NEO1: variants seen among roughly 807,000 people sequenced by gnomAD.
The protein encoded by NEO1 is neogenin.
A neutral mutation model predicts 159.7 loss-of-function variants in NEO1; 63 were observed. The observed-to-expected ratio is 0.39, with a 90% CI of 0.32 to 0.49. The LOEUF is 0.49. Ranked by LOEUF, NEO1 falls within the 20% of genes least tolerant of loss-of-function variation. The pLI, the probability that NEO1 is intolerant of heterozygous loss-of-function variation, is 0.85. For synonymous variants in NEO1, 633 were observed against 662.0 expected (o/e 0.96, Z 0.67); for missense variants, 1,615 against 1,831.0 (o/e 0.88, Z 2.15).
chr15:73,219,616 G>T (rs1303740124), intron 7 of NEO1, among the ~76,000 whole-genome samples: 2 of 132,282 alleles, frequency 1.5e-5, no homozygotes, highest in Non-Finnish European at 3.2e-5. Context: ...CCTGTATTGG[G>T]TGCATATATA....
intron 7 of NEO1, 90 bp downstream of exon 7, chr15:73,178,517 A>G (rs2151958913): frequency 6.9e-7 from 1 of 1,442,100 alleles, no homozygotes; most frequent in Non-Finnish European, 9.4e-7. Context: ...TTGATAACCC[A>G]TTAGTAAAGG....
At chr15:73,164,272 C>T (rs1271400119) in intron 5 of NEO1, among the ~76,000 whole-genome samples, 4 of 148,264 alleles carry the variant, frequency 2.7e-5, no homozygotes, top group Non-Finnish European at 4.4e-5. Context: ...TGCAATGGCA[C>T]GATTGATCTC....
At position 73,129,282 on chromosome 15, in the gene NEO1, T is replaced by G. The variant is rs188015940; in HGVS notation, c.878+2712T>G. ...AATATCTTTGTTTCTGCTAGAGCCT[T>G]ATGAGATATGTAGATAGGCCTCAGC... On this transcript the variant is annotated intron_variant, in intron 4 of 28. Transcript: ENST00000261908. Among the ~76,000 whole-genome samples the G allele has an allele frequency of 2.6e-5, 4 of 152,292 alleles. No homozygotes were observed. In the East Asian group the frequency reaches 7.7e-4, roughly 29 times the overall value.
At position 73,052,698 on chromosome 15, in the gene NEO1, G is replaced by A. The variant is rs1160982416; in HGVS notation, c.23G>A (p.Arg8Gln). ...GAGATGGCGGCGGAGCGGGGAGCCCGGCGACTCCTCAGCACCCCCTCCTTC... is the reference window on the plus strand; with the variant it reads ...GAGATGGCGGCGGAGCGGGGAGCCCAGCGACTCCTCAGCACCCCCTCCTTC... MAAERGARRLLSTPSFWL... is the reference protein window; with the variant it reads MAAERGAQRLLSTPSFWL... The change falls in exon 1 of 29, where the codon CGG (arginine) becomes CAG (glutamine). Residue 8 changes from arginine (R) to glutamine (Q), a missense_variant. Around this residue, in one of 3 missense-constraint regions of NEO1, gnomAD observed 1,018 missense variants for 1,115.4 expected, o/e 0.91. Coordinates refer to ENST00000261908, the MANE Select transcript of NEO1 (RefSeq NM_002499.4). The A allele has an allele frequency of 1.5e-6, 2 of 1,359,304 alleles. No individual in the cohort carries two copies. Among genetic ancestry groups the A allele is most frequent in the South Asian group, 3.2e-5 (2 of 62,600 alleles). 84.2% of individuals were successfully genotyped at this position (1,359,304 alleles called of 1,614,324 possible). A position where few individuals can be genotyped will look rare whatever the true frequency, so the allele number is the denominator to read the frequency against.
intron 5 of NEO1, among the ~76,000 whole-genome samples, chr15:73,163,950 T>C (rs1346125004): frequency 1.3e-5 from 2 of 152,122 alleles, no homozygotes; most frequent in African/African-American, 4.8e-5. Flanking sequence ...TGTGTGTATG[T>C]GTGTGGTAGG....
intron 25 of NEO1, among the ~76,000 whole-genome samples, chr15:73,291,164 T>C (rs2042150792): frequency 1.3e-5 from 2 of 152,048 alleles, no homozygotes; most frequent in African/African-American, 2.4e-5. Context: ...CCAAGAAGAG[T>C]AAATTAATCC....
chr15:73,288,370 A>G lies in NEO1; in HGVS notation c.3468A>G (p.Lys1156=). The change falls in exon 24 of 29, where the codon AAA becomes AAG. Residue 1156 remains lysine, a synonymous_variant. Coordinates refer to ENST00000261908, the MANE Select transcript of NEO1 (RefSeq NM_002499.4). ...NGSHKYKGNS[K]DVKPPDLWIH... ...CTCATAAGTACAAAGGGAATTCCAA[A>G]GATGTGAAACCTCCAGATCTCTGGA... 1 of 1,614,176 alleles carries G rather than the reference A, an allele frequency of 6.2e-7. No individual in the cohort carries two copies. The highest frequency in any genetic ancestry group is 2.2e-5 in the East Asian group (1 of 44,880).
intron 1 of NEO1, among the ~76,000 whole-genome samples, chr15:73,069,254 G>A (rs946882682): frequency 1.3e-5 from 2 of 151,364 alleles, no homozygotes; most frequent in Non-Finnish European, 2.9e-5. Flanking sequence ...GAGCCACTGC[G>A]CACAGCCGAG....
intron 1 of NEO1, among the ~76,000 whole-genome samples, chr15:73,105,957 T>A (rs1358446472): frequency 6.6e-6 from 1 of 152,192 alleles, no homozygotes; most frequent in Non-Finnish European, 1.5e-5. Context: ...ACACTCAAAT[T>A]GTGTGACTTC....
At chr15:73,141,122 CAT>C (rs1278335932) in intron 5 of NEO1, among the ~76,000 whole-genome samples, 1 of 152,146 alleles carries the variant, frequency 6.6e-6, no homozygotes, top group Non-Finnish European at 1.5e-5. Context: ...TGTGCAAAAA[CAT>C]ATTTGGAAAA....
At chr15:73,189,373 C>G (rs1466863408) in intron 7 of NEO1, among the ~76,000 whole-genome samples, 1 of 152,058 alleles carries the variant, frequency 6.6e-6, no homozygotes, top group African/African-American at 2.4e-5. Context: ...TTTTTTGTTG[C>G]GTTTGTTTGA....
At chr15:73,232,265 G>A (rs993806686) in intron 7 of NEO1, among the ~76,000 whole-genome samples, 1 of 152,130 alleles carries the variant, frequency 6.6e-6, no homozygotes, top group Non-Finnish European at 1.5e-5. Flanking sequence ...CTCCCAGGGT[G>A]TGCAACCACA....
At chr15:73,198,494 T>A (rs1217777603) in intron 7 of NEO1, among the ~76,000 whole-genome samples, 1 of 152,136 alleles carries the variant, frequency 6.6e-6, no homozygotes, top group East Asian at 1.9e-4. Context: ...TTTCTTGATT[T>A]TAGATGACTT....
chr15:73,186,138 C>A, intron 7 of NEO1, among the ~76,000 whole-genome samples: 2 of 144,820 alleles, frequency 1.4e-5, no homozygotes, highest in African/African-American at 2.6e-5. Flanking sequence ...TACAGAGGAA[C>A]AAAGATAAGA....
At chr15:73,096,829 T>A (rs908870749) in intron 1 of NEO1, among the ~76,000 whole-genome samples, 1 of 152,162 alleles carries the variant, frequency 6.6e-6, no homozygotes, top group African/African-American at 2.4e-5. Context: ...CATTTTTCTT[T>A]ACTTAATAAT....
At chr15:73,148,949 G>GGC (rs2033148421) in intron 5 of NEO1, among the ~76,000 whole-genome samples, 1 of 151,690 alleles carries the variant, frequency 6.6e-6, no homozygotes, top group Admixed American at 6.6e-5. Context: ...ATGGAAGCAG[G>GGC]GCAGGGTAGG....
chr15:73,236,480 G>A lies in NEO1; in HGVS notation c.1425G>A (p.Val475=). Residue 475 remains valine, a synonymous_variant, in exon 8 of 29, where the codon GTG becomes GTA. Transcript: ENST00000261908. Reference sequence around the variant, plus strand: ...ACGGAGACAACCTTACCTACTCTGTGTTCTACACCAAGGAAGGGATTGCTA... The same window carrying A: ...ACGGAGACAACCTTACCTACTCTGTATTCTACACCAAGGAAGGGATTGCTA... ...DPHGDNLTYS[V]FYTKEGIARE... The A allele has an allele frequency of 1.2e-6, 2 of 1,614,140 alleles. No individual in the cohort carries two copies. The highest frequency in any genetic ancestry group is 1.7e-6 in the Non-Finnish European group (2 of 1,180,008).
intron 22 of NEO1, 32 bp from the exon 23 acceptor site, chr15:73,282,932 C>A: frequency 6.2e-7 from 1 of 1,607,066 alleles, no homozygotes; most frequent in Non-Finnish European, 8.5e-7. Context: ...AATTCTCTAA[C>A]CCTAACACAT....
chr15:73,052,412 G>GCCCCCCCCCCCCCCCCCC (rs1182316618), upstream of NEO1: 1 of 8,084 alleles, frequency 1.2e-4, no homozygotes, highest in African/African-American at 4.0e-4. Context: ...CCGACCCACC[G>GCCCCCCCCCCCCCCCCCC]CCCCCCCCCC....
Sources: allele counts gnomAD v4.1 joint callset (sites outside exome capture counted in the v4.1 genomes callset), GRCh38; gene constraint gnomAD v4.1.1; regional missense constraint gnomAD v4.1.1; transcripts MANE v1.5; gene names NCBI Gene and HGNC (gene_info 2026-07-23, HGNC 2026-07-21).